The following TBCD variants were observed in gnomAD, a reference collection of about 807,000 sequenced individuals.
The protein encoded by TBCD is tubulin folding cofactor D, also known as tubulin-specific chaperone D.
TBCD carries 105 observed loss-of-function variants against 169.3 expected under a neutral mutation model. The ratio of observed to expected loss-of-function variants is 0.62; its 90% CI spans 0.53 to 0.73. The LOEUF (loss-of-function observed/expected upper bound fraction) is 0.73. Ranked by LOEUF, TBCD falls within the 30% of genes least tolerant of loss-of-function variation. The probability of loss-of-function intolerance (pLI) is 0.00; values close to 1 mark genes in which losing one functional copy is unlikely to be tolerated. For synonymous variants in TBCD, 700 were observed against 643.9 expected (o/e 1.09, Z -1.32); for missense variants, 1,444 against 1,600.1 (o/e 0.90, Z 1.66).
intron 13 of TBCD, among the ~76,000 whole-genome samples, chr17:82,860,726 G>C (rs975175515): frequency 1.2e-4 from 19 of 152,176 alleles, no homozygotes; most frequent in Admixed American, 1.2e-3. Flanking sequence ...CCCTGGACGG[G>C]GTTCGGTTCC....
Position 82,922,469 on chromosome 17 carries a change from T to C in TBCD, c.2178+892T>C, listed in dbSNP as rs2061478008. On this transcript the variant is annotated intron_variant, in intron 25 of 38. Transcript: ENST00000355528. This position sits in a 1 kb window ranked among gnomAD's most constrained non-coding sequence, Gnocchi z 4.1. ...AGTACATTTAGGTGTCTTGTAATTC[T>C]CTGACTTCCTCCATGCTTAGCATTT... Among the ~76,000 whole-genome samples the C allele has an allele frequency of 6.6e-6, 1 of 152,264 alleles. No individual in the cohort carries two copies. Among genetic ancestry groups the C allele is most frequent in the East Asian group, 1.9e-4 (1 of 5,206 alleles).
chr17:82,892,801 ATTAT>A (rs1255270373), intron 16 of TBCD, among the ~76,000 whole-genome samples: 3 of 152,158 alleles, frequency 2.0e-5, no homozygotes, highest in Non-Finnish European at 2.9e-5. Flanking sequence ...TTCTTAGGAA[ATTAT>A]TTATGTTGTT....
intron 14 of TBCD, among the ~76,000 whole-genome samples, chr17:82,875,222 A>G (rs943566471): frequency 1.3e-5 from 2 of 152,188 alleles, no homozygotes; most frequent in African/African-American, 4.8e-5. Context: ...TTGGTTTTGA[A>G]AACCTGATTT....
rs1334687163 is a variant in TBCD at position 82,930,041 on chromosome 17, T to C, written c.2992-481T>C. ...CAGCTGCTAAGTCCTAGAAAACACG[T>C]AACAGGACGTGAGGTGCCCTCTGCG... On this transcript the variant is annotated intron_variant, in intron 32 of 38. Coordinates refer to ENST00000355528, the MANE Select transcript of TBCD (RefSeq NM_005993.5). The surrounding 1 kb of genome is among the most constrained non-coding windows in gnomAD (Gnocchi z 5.2). The C allele has an allele frequency of 3.8e-6, 1 of 261,132 alleles. No homozygotes were observed. The highest frequency in any genetic ancestry group is 7.5e-6 in the Non-Finnish European group (1 of 133,132). 16.2% of individuals were successfully genotyped at this position (261,132 alleles called of 1,614,324 possible).
At position 82,880,091 on chromosome 17, in the gene TBCD, T is replaced by C. The variant is rs1327339747; in HGVS notation, c.1476-4054T>C. Among the ~76,000 whole-genome samples the C allele has an allele frequency of 6.6e-6, 1 of 152,192 alleles. No homozygotes were observed. The highest frequency in any genetic ancestry group is 1.5e-5 in the Non-Finnish European group (1 of 68,044). On this transcript the variant is annotated intron_variant, in intron 14 of 38. Coordinates refer to ENST00000355528, the MANE Select transcript of TBCD (RefSeq NM_005993.5). This position sits in a 1 kb window ranked among gnomAD's most constrained non-coding sequence, Gnocchi z 5.0. ...GCCACGTCCACGTCTCGCTTCATCC[T>C]TCACGTACCCTATGCCTGTGGTCCT...
intron 2 of TBCD, among the ~76,000 whole-genome samples, chr17:82,761,736 G>C (rs1474289302): frequency 1.5e-5 from 2 of 129,728 alleles, no homozygotes; most frequent in Non-Finnish European, 3.3e-5. Context: ...TTTTTTTTGA[G>C]ATGGAGTCTT....
At chr17:82,759,483 C>CAA (rs112403017) in intron 2 of TBCD, among the ~76,000 whole-genome samples, 2 of 145,214 alleles carry the variant, frequency 1.4e-5, no homozygotes, top group Admixed American at 6.9e-5. Flanking sequence ...CAGACTGTCT[C>CAA]AAAAAAAAAA....
intron 13 of TBCD, among the ~76,000 whole-genome samples, chr17:82,853,055 C>A (rs1384850674): frequency 6.6e-6 from 1 of 152,170 alleles, no homozygotes; most frequent in Admixed American, 6.5e-5. Context: ...TGTGGCTACT[C>A]AGCTTTCTCT....
chr17:82,777,400 G>A (rs1387869194), intron 6 of TBCD, among the ~76,000 whole-genome samples: 6 of 152,258 alleles, frequency 3.9e-5, no homozygotes, highest in South Asian at 2.1e-4. Flanking sequence ...AGCTGGGCCC[G>A]GGGGACAACT....
At chr17:82,787,299 C>T (rs1568132215) in intron 7 of TBCD, among the ~76,000 whole-genome samples, 1 of 152,234 alleles carries the variant, frequency 6.6e-6, no homozygotes, top group Non-Finnish European at 1.5e-5. Flanking sequence ...CTGACGCAGC[C>T]GGCTGAAATC....
chr17:82,781,570 A>G lies in TBCD; in HGVS notation c.639-19A>G, dbSNP rs936021872. ...GGTCTCAGTGCTGAGGCCTTGGTTGAGCTGTATCCTTTTGGCAGATTTATC... is the reference window on the plus strand; with the variant it reads ...GGTCTCAGTGCTGAGGCCTTGGTTGGGCTGTATCCTTTTGGCAGATTTATC... On this transcript the variant is annotated intron_variant, in intron 6 of 38. Coordinates refer to ENST00000355528, the MANE Select transcript of TBCD (RefSeq NM_005993.5). The G allele has an allele frequency of 2.5e-6, 4 of 1,612,948 alleles. No individual in the cohort carries two copies. The highest frequency in any genetic ancestry group is 3.3e-5 in the Admixed American group (2 of 59,946).
At chr17:82,779,660 G>A (rs1268423077) in intron 6 of TBCD, among the ~76,000 whole-genome samples, 1 of 152,224 alleles carries the variant, frequency 6.6e-6, no homozygotes, top group Non-Finnish European at 1.5e-5. Context: ...GAGAGGGCTT[G>A]TCCCCACGGA....
At chr17:82,860,251 G>C (rs148718839) in intron 13 of TBCD, 1 of 397,062 alleles carries the variant, frequency 2.5e-6, no homozygotes, top group East Asian at 1.6e-4. Context: ...GTTGAGCAGA[G>C]CGGGTAGGAG....
intron 12 of TBCD, among the ~76,000 whole-genome samples, chr17:82,813,589 C>A (rs751978962): frequency 6.6e-6 from 1 of 152,198 alleles, no homozygotes; most frequent in Non-Finnish European, 1.5e-5. Context: ...TAGAAGTAGA[C>A]ATTGGTCTGA....
chr17:82,878,713 T>C (rs1006502026), intron 14 of TBCD, among the ~76,000 whole-genome samples: 3 of 152,250 alleles, frequency 2.0e-5, no homozygotes, highest in Non-Finnish European at 2.9e-5. Flanking sequence ...TCGAAGGTTA[T>C]GCAACATCCT....
Position 82,831,471 on chromosome 17 carries a change from A to G in TBCD, c.1318+16537A>G. ...GTGGGAGTCTGAGACCATAGGAGGA[A>G]AATGCAGACTCTGGCCTGTAAAATC... is the stretch of plus-strand genomic sequence containing the variant. On this transcript the variant is annotated intron_variant, in intron 13 of 38. Coordinates refer to ENST00000355528, the MANE Select transcript of TBCD (RefSeq NM_005993.5). The surrounding 1 kb of genome is among the most constrained non-coding windows in gnomAD (Gnocchi z 4.6). 1 of 1,614,176 alleles carries G rather than the reference A, an allele frequency of 6.2e-7. No homozygotes were observed.
intron 7 of TBCD, among the ~76,000 whole-genome samples, chr17:82,791,161 G>A (rs940211642): frequency 4.1e-5 from 6 of 144,902 alleles, no homozygotes; most frequent in Admixed American, 1.4e-4. Context: ...GCGCGATCTC[G>A]GCTCACTGCA....
chr17:82,933,708 G>A (rs920171495), intron 34 of TBCD, among the ~76,000 whole-genome samples: 6 of 152,166 alleles, frequency 3.9e-5, no homozygotes, highest in Non-Finnish European at 5.9e-5. Flanking sequence ...ACCCCGTCCC[G>A]GGTTCAAGCA....
intron 26 of TBCD, among the ~76,000 whole-genome samples, chr17:82,924,281 G>A (rs573746853): frequency 6.6e-6 from 1 of 152,276 alleles, no homozygotes; most frequent in South Asian, 2.1e-4. Context: ...TGTATGCACC[G>A]TGACATTTTT....
Sources: allele counts gnomAD v4.1 joint callset (sites outside exome capture counted in the v4.1 genomes callset), GRCh38; gene constraint gnomAD v4.1.1; non-coding constraint Gnocchi (gnomAD v3.1); transcripts MANE v1.5; gene names NCBI Gene and HGNC (gene_info 2026-07-23, HGNC 2026-07-21).